Variants in CAMK4 observed in about 807,000 individuals in gnomAD.
The protein encoded by CAMK4 is calcium/calmodulin dependent protein kinase IV.
A neutral mutation model predicts 44.9 loss-of-function variants in CAMK4; 22 were observed. That is an observed-to-expected ratio of 0.49 (90% CI 0.35 to 0.70). The LOEUF is 0.70. Among genes scored for constraint, CAMK4 ranks in the 30% least tolerant of loss-of-function variants. The pLI, the probability that CAMK4 is intolerant of heterozygous loss-of-function variation, is 0.01. For synonymous variants in CAMK4, 218 were observed against 215.4 expected (o/e 1.01, Z -0.11); for missense variants, 498 against 586.8 (o/e 0.85, Z 1.56).
chr5:111,276,853 T>A (rs766381543), intron 1 of CAMK4, among the ~76,000 whole-genome samples: 2 of 152,158 alleles, frequency 1.3e-5, no homozygotes, highest in African/African-American at 2.4e-5. Context: ...CAAAAATTTT[T>A]AAAAATATGA....
Position 111,439,497 on chromosome 5 carries a change from G to T in CAMK4, c.460-7189G>T, listed in dbSNP as rs143855574. On this transcript the variant is annotated intron_variant, in intron 5 of 10. Transcript: ENST00000282356. ...GGAATAGGATAAATTCAGGTTTCTG[G>T]CTTGGTCAATTGGATCGTATCATTT... 2.6e-4 allele frequency among the ~76,000 whole-genome samples: 39 copies of T among 152,292 alleles called. No individual in the cohort carries two copies. The East Asian group carries it at 6.6e-3, about 26-fold the overall frequency.
intron 7 of CAMK4, among the ~76,000 whole-genome samples, chr5:111,461,563 T>C (rs935049929): frequency 6.6e-6 from 1 of 152,102 alleles, no homozygotes; most frequent in South Asian, 2.1e-4. Context: ...CTGCCGCCCA[T>C]AGGCAGCTGC....
chr5:111,470,865 T>C lies in CAMK4; in HGVS notation c.626-2446T>C, dbSNP rs977351349. 3.3e-5 allele frequency among the ~76,000 whole-genome samples: 5 copies of C among 152,344 alleles called. No homozygotes were observed. The South Asian group carries it at 6.2e-4, about 19-fold the overall frequency. On this transcript the variant is annotated intron_variant, in intron 7 of 10. Coordinates refer to ENST00000282356, the MANE Select transcript of CAMK4 (RefSeq NM_001744.6). ...CCTGGGAATTTTTCTGCTACAGCTTTGGCTAACTCTCTCAAAACAGTCTCA... is the reference window on the plus strand; with the variant it reads ...CCTGGGAATTTTTCTGCTACAGCTTCGGCTAACTCTCTCAAAACAGTCTCA...
At chr5:111,477,097 C>A (rs187806347) in intron 8 of CAMK4, among the ~76,000 whole-genome samples, 126 of 152,278 alleles carry the variant, frequency 8.3e-4, no homozygotes, top group African/African-American at 3.0e-3. Flanking sequence ...CAGACTCTCT[C>A]GTTGTCAGGG....
Position 111,394,745 on chromosome 5 carries a change from CT to C in CAMK4, c.423del (p.Ala142GlnfsTer57), listed in dbSNP as rs753219312. On this transcript the variant is annotated frameshift_variant, in exon 5 of 11. Transcript: ENST00000282356. LOFTEE classifies it high-confidence loss of function. ...VEKGYYSERD[A>X]ADAVKQILEA... is the part of the protein sequence containing the mutation. ...AAGGGATATTACAGTGAGCGAGATG[CT>C]GCAGATGCCGTTAAACAAATCCTGG... 6.2e-7 allele frequency: 1 copy of C among 1,612,946 alleles called. No homozygotes were observed. Among genetic ancestry groups the C allele is most frequent in the Non-Finnish European group, 8.5e-7 (1 of 1,179,178 alleles).
At chr5:111,318,664 A>G (rs1287693816) in intron 1 of CAMK4, among the ~76,000 whole-genome samples, 1 of 152,176 alleles carries the variant, frequency 6.6e-6, no homozygotes, top group Non-Finnish European at 1.5e-5. Flanking sequence ...AATTGTAATG[A>G]AATGTCGCTA....
At position 111,491,432 on chromosome 5, in the gene CAMK4, T is replaced by G. The variant is rs944581778; in HGVS notation, c.*6966T>G. 4.5e-5 allele frequency: 6 copies of G among 134,250 alleles called. No homozygotes were observed. Among genetic ancestry groups the G allele is most frequent in the East Asian group, 2.0e-4 (1 of 4,974 alleles). 8.3% of individuals were successfully genotyped at this position (134,250 alleles called of 1,614,324 possible). ...ATACAGATTCCTATATTCCAGTTTG[T>G]TTTTTTTTTTTTCTCCTTAGCTTAA... is the stretch of plus-strand genomic sequence containing the variant. On this transcript the variant is annotated 3_prime_UTR_variant, in exon 11 of 11. Coordinates refer to ENST00000282356, the MANE Select transcript of CAMK4 (RefSeq NM_001744.6).
At chr5:111,459,319 A>G (rs1754550979) in intron 7 of CAMK4, among the ~76,000 whole-genome samples, 2 of 152,190 alleles carry the variant, frequency 1.3e-5, no homozygotes, top group Non-Finnish European at 1.5e-5. Context: ...AATATACAAG[A>G]CAACATTCTA....
intron 5 of CAMK4, among the ~76,000 whole-genome samples, chr5:111,420,122 T>G (rs4957947): frequency 0.73 from 104,460 of 143,734 alleles, 38,286 homozygotes; most frequent in Middle Eastern, 0.77. Context: ...ATTTCATTGA[T>G]CAGTGGTTTG....
intron 8 of CAMK4, 26 bp from the exon 9 acceptor site, chr5:111,478,355 T>C: frequency 1.4e-6 from 2 of 1,435,934 alleles, no homozygotes; most frequent in Non-Finnish European, 1.9e-6. Flanking sequence ...TAAAGACATT[T>C]TATTCTCTAT....
chr5:111,348,510 T>C (rs1011751987), intron 2 of CAMK4, among the ~76,000 whole-genome samples: 3 of 152,022 alleles, frequency 2.0e-5, no homozygotes, highest in South Asian at 2.1e-4. Flanking sequence ...TAATATATAT[T>C]TTATAAATGG....
At chr5:111,270,350 A>G (rs1750455208) in intron 1 of CAMK4, among the ~76,000 whole-genome samples, 1 of 152,038 alleles carries the variant, frequency 6.6e-6, no homozygotes, top group African/African-American at 2.4e-5. Context: ...ACTCCCTCTC[A>G]CACATTCAAC....
chr5:111,446,026 G>A (rs141297953), intron 5 of CAMK4, among the ~76,000 whole-genome samples: 49 of 152,304 alleles, frequency 3.2e-4, no homozygotes, highest in African/African-American at 1.1e-3. Flanking sequence ...GCTTATACGT[G>A]ATTTTACAAA....
chr5:111,454,044 G>T (rs1327113039), intron 7 of CAMK4, among the ~76,000 whole-genome samples: 1 of 152,068 alleles, frequency 6.6e-6, no homozygotes, highest in Non-Finnish European at 1.5e-5. Flanking sequence ...GGAGAGACAG[G>T]CTCTCTGCAA....
At chr5:111,258,264 TATATAAG>T (rs1247233480) in intron 1 of CAMK4, among the ~76,000 whole-genome samples, 1 of 152,186 alleles carries the variant, frequency 6.6e-6, no homozygotes, top group Admixed American at 6.5e-5. Flanking sequence ...ATGTAAAAAT[TATATAAG>T]ATATATTTAA....
chr5:111,227,742 G>A (rs1031650696), intron 1 of CAMK4, among the ~76,000 whole-genome samples: 1 of 152,204 alleles, frequency 6.6e-6, no homozygotes, highest in East Asian at 1.9e-4. Flanking sequence ...ATAGAGTATA[G>A]GGGTTACGGG....
Position 111,425,148 on chromosome 5 carries a change from C to T in CAMK4, c.460-21538C>T, listed in dbSNP as rs141141395. ...ACTGCACTCCAGCCTGGGTGACAGA[C>T]CAAGACGCTGTCTTAAAAAAAAAAA... is the stretch of plus-strand genomic sequence containing the variant. On this transcript the variant is annotated intron_variant, in intron 5 of 10. Coordinates refer to ENST00000282356, the MANE Select transcript of CAMK4 (RefSeq NM_001744.6). Among the ~76,000 whole-genome samples, 1,117 of 139,560 alleles carry T rather than the reference C, an allele frequency of 8.0e-3. 12 individuals carry two copies. Among genetic ancestry groups the T allele is most frequent in the African/African-American group, 0.028 (1,057 of 37,502 alleles). The allele number at this position is 139,560 out of a possible 152,430, so 91.6% of individuals were successfully genotyped here.
At chr5:111,308,413 A>G (rs921365457) in intron 1 of CAMK4, among the ~76,000 whole-genome samples, 3 of 152,230 alleles carry the variant, frequency 2.0e-5, no homozygotes, top group Non-Finnish European at 2.9e-5. Context: ...GGATTACTAA[A>G]GAATATTTTT....
intron 6 of CAMK4, 60 bp downstream of exon 6, chr5:111,446,836 T>G: frequency 1.0e-6 from 1 of 1,001,394 alleles, no homozygotes; most frequent in Non-Finnish European, 1.6e-6. Context: ...AATTTTACTG[T>G]GTGGAATTTT....
Sources: gnomAD v4.1 joint callset for allele counts (sites outside exome capture counted in the v4.1 genomes callset) on GRCh38, gnomAD v4.1.1 for gene constraint, MANE v1.5 for transcripts, NCBI Gene and HGNC (gene_info 2026-07-23, HGNC 2026-07-21) for gene names.